KATNAL2: variants seen among roughly 807,000 people sequenced by gnomAD.
KATNAL2 encodes katanin p60 ATPase-containing subunit A-like 2.
KATNAL2 carries 52 observed loss-of-function variants against 76.3 expected under a neutral mutation model. The ratio of observed to expected loss-of-function variants is 0.68; its 90% CI spans 0.55 to 0.86. The LOEUF (loss-of-function observed/expected upper bound fraction) is 0.86. Ranked by LOEUF, KATNAL2 falls within the 40% of genes least tolerant of loss-of-function variation. The probability of loss-of-function intolerance (pLI) is 0.00; values close to 1 mark genes in which losing one functional copy is unlikely to be tolerated. For synonymous variants in KATNAL2, 243 were observed against 244.2 expected (o/e 1.00, Z 0.05); for missense variants, 660 against 668.9 (o/e 0.99, Z 0.15).
intron 3 of KATNAL2, chr18:47,033,048 C>T (rs761001203): frequency 1.2e-6 from 2 of 1,614,168 alleles, no homozygotes; most frequent in Non-Finnish European, 1.7e-6. Flanking sequence ...TTGCCTTGGC[C>T]ATCAGCGGGG....
At chr18:46,950,820 G>A (rs2059530424) in intron 3 of KATNAL2, among the ~76,000 whole-genome samples, 1 of 151,832 alleles carries the variant, frequency 6.6e-6, no homozygotes, top group African/African-American at 2.4e-5. Flanking sequence ...GAGTAGCTGG[G>A]GCTACAGGCG....
At chr18:46,953,841 G>GT (rs1334062007) in intron 3 of KATNAL2, among the ~76,000 whole-genome samples, 1 of 152,182 alleles carries the variant, frequency 6.6e-6, no homozygotes, top group African/African-American at 2.4e-5. Context: ...CACAAAGACA[G>GT]TTTTTCTGTA....
chr18:46,949,852 C>A (rs1439070279), intron 3 of KATNAL2, among the ~76,000 whole-genome samples: 1 of 152,130 alleles, frequency 6.6e-6, no homozygotes, highest in Non-Finnish European at 1.5e-5. Context: ...TTAGCTATTA[C>A]CCCTTGGTTT....
chr18:47,097,942 T>C (rs2063319968), intron 15 of KATNAL2, among the ~76,000 whole-genome samples: 1 of 152,166 alleles, frequency 6.6e-6, no homozygotes, highest in African/African-American at 2.4e-5. Context: ...CATCACAGAA[T>C]CAGTTTTGCC....
intron 4 of KATNAL2, among the ~76,000 whole-genome samples, chr18:47,050,290 T>A (rs1401747036): frequency 1.3e-5 from 2 of 152,186 alleles, no homozygotes; most frequent in African/African-American, 4.8e-5. Flanking sequence ...AAACTCACCA[T>A]GCCAGGTCCC....
Position 47,058,328 on chromosome 18 carries a change from G to C in KATNAL2, c.426G>C (p.Ser142=). The C allele has an allele frequency of 1.2e-6, 2 of 1,612,804 alleles. No homozygotes were observed. Among genetic ancestry groups the C allele is most frequent in the African/African-American group, 2.7e-5 (2 of 74,992 alleles). Reference sequence around the variant, plus strand: ...CGGGGAAGACAGGGGACACCAAATCGCTCAATAAGGAGCATCCTAATCAGG... The same window carrying C: ...CGGGGAAGACAGGGGACACCAAATCCCTCAATAAGGAGCATCCTAATCAGG... The part of the protein sequence containing the change: ...TTAGKTGDTK[S]LNKEHPNQEV... The change falls in exon 7 of 18, where the codon TCG becomes TCC. Residue 142 remains serine (S), a synonymous_variant. Transcript: ENST00000683218.
At chr18:47,087,577 G>A (rs978249894) in intron 15 of KATNAL2, among the ~76,000 whole-genome samples, 7 of 152,136 alleles carry the variant, frequency 4.6e-5, no homozygotes, top group African/African-American at 1.4e-4. Flanking sequence ...GAGAGGAGCA[G>A]AGAAAAATAA....
chr18:47,093,658 TG>T (rs1441292682), intron 15 of KATNAL2, among the ~76,000 whole-genome samples: 1 of 152,052 alleles, frequency 6.6e-6, no homozygotes, highest in Admixed American at 6.6e-5. Context: ...CCCAACTAGC[TG>T]GGACTACAGG....
chr18:47,054,484 T>C (rs2061418290), intron 6 of KATNAL2, 46 bp downstream of exon 6: 1 of 1,572,946 alleles, frequency 6.4e-7, no homozygotes, highest in East Asian at 2.2e-5. Flanking sequence ...CTCGAGGAGC[T>C]TGTGGAATCC....
chr18:47,033,718 G>A (rs763632969), intron 3 of KATNAL2: 22 of 1,614,068 alleles, frequency 1.4e-5, no homozygotes, highest in Non-Finnish European at 1.8e-5. Flanking sequence ...CCTGGAGCCC[G>A]AGTACACCGG....
At chr18:47,032,293 C>A (rs945918905) in intron 3 of KATNAL2, among the ~76,000 whole-genome samples, 8 of 152,348 alleles carry the variant, frequency 5.3e-5, no homozygotes, top group Middle Eastern at 3.4e-3. Context: ...GTCACCCAGC[C>A]TGAAGTGCAG....
chr18:47,042,892 T>C (rs1223737891), intron 3 of KATNAL2, among the ~76,000 whole-genome samples: 1 of 152,206 alleles, frequency 6.6e-6, no homozygotes. Flanking sequence ...GAAAATGACC[T>C]ACACCAAAGA....
At chr18:46,937,036 A>G (rs1174299012) in intron 1 of KATNAL2, among the ~76,000 whole-genome samples, 1 of 152,184 alleles carries the variant, frequency 6.6e-6, no homozygotes, top group African/African-American at 2.4e-5. Flanking sequence ...GTTTGTGAGG[A>G]ACTGCTAAAA....
chr18:46,950,067 T>A (rs2059504554), intron 3 of KATNAL2, among the ~76,000 whole-genome samples: 1 of 152,232 alleles, frequency 6.6e-6, no homozygotes, highest in African/African-American at 2.4e-5. Flanking sequence ...TGCCTCTCAG[T>A]GCTCCAGCCA....
chr18:47,041,493 T>A (rs920510636), intron 3 of KATNAL2, among the ~76,000 whole-genome samples: 2 of 152,244 alleles, frequency 1.3e-5, no homozygotes, highest in African/African-American at 4.8e-5. Flanking sequence ...CTTAGTGATA[T>A]GCATCTAAAT....
intron 15 of KATNAL2, among the ~76,000 whole-genome samples, chr18:47,097,955 G>C (rs1188658851): frequency 7.2e-5 from 11 of 152,106 alleles, no homozygotes. Flanking sequence ...GTTTTGCCAG[G>C]TGTCATAATG....
intron 16 of KATNAL2, 142 bp downstream of exon 16, chr18:47,099,547 T>G: frequency 1.4e-6 from 1 of 717,786 alleles, no homozygotes; most frequent in Middle Eastern, 3.9e-4. Flanking sequence ...AATGGGCATC[T>G]TCACGAAGAA....
intron 1 of KATNAL2, among the ~76,000 whole-genome samples, chr18:46,918,993 G>GTA (rs2058329722): frequency 8.3e-6 from 1 of 120,756 alleles, no homozygotes; most frequent in South Asian, 2.6e-4. Flanking sequence ...ATGTGTGTGC[G>GTA]TGTATATATA....
At chr18:46,926,801 A>C (rs954049502) in intron 1 of KATNAL2, among the ~76,000 whole-genome samples, 2 of 152,146 alleles carry the variant, frequency 1.3e-5, no homozygotes, top group Non-Finnish European at 2.9e-5. Context: ...TAGGATAGTT[A>C]GCTCTTCTTG....
Sources: allele counts gnomAD v4.1 joint callset (sites outside exome capture counted in the v4.1 genomes callset), GRCh38; gene constraint gnomAD v4.1.1; transcripts MANE v1.5; gene names NCBI Gene and HGNC (gene_info 2026-07-23, HGNC 2026-07-21).